The following DHRSX variants were observed in gnomAD, a reference collection of about 807,000 sequenced individuals.
DHRSX encodes polyprenol dehydrogenase.
A neutral mutation model predicts 34.0 loss-of-function variants in DHRSX; 31 were observed. That is an observed-to-expected ratio of 0.91 (90% confidence interval 0.69 to 1.23). The LOEUF is 1.23. DHRSX is among the 50% of genes most tolerant of loss of function. The pLI is 0.00. For synonymous variants in DHRSX, 201 were observed against 183.8 expected (o/e 1.09, Z -0.76); for missense variants, 414 against 428.1 (o/e 0.97, Z 0.29).
chrX:2,260,775 G>A (rs2124453903), intron 5 of DHRSX, among the ~76,000 whole-genome samples: 1 of 152,108 alleles, frequency 6.6e-6, no homozygotes, highest in East Asian at 1.9e-4. Flanking sequence ...TCTACTTCTT[G>A]TAAGGCCACC....
At chrX:2,429,320 G>A (rs2043888281) in intron 1 of DHRSX, among the ~76,000 whole-genome samples, 1 of 152,110 alleles carries the variant, frequency 6.6e-6, no homozygotes. Context: ...GTGTCTGTGT[G>A]TGGGTGTGTC....
intron 3 of DHRSX, among the ~76,000 whole-genome samples, chrX:2,314,366 G>C (rs868671832): frequency 8.3e-5 from 1 of 12,046 alleles, no homozygotes; most frequent in East Asian, 1.1e-3. Flanking sequence ...GGAAAGAAGG[G>C]AGAGAGGGAA....
chrX:2,371,560 C>CCCTCCTTCCATTACCATAGTA (rs1191223994), intron 3 of DHRSX, among the ~76,000 whole-genome samples: 21,426 of 124,866 alleles, frequency 0.17, 1,821 homozygotes, highest in Admixed American at 0.23. Context: ...TTACCATAGT[C>CCCTCCTTCCATTACCATAGTA]CCTCCTTCCA....
chrX:2,352,207 T>C (rs1208365327), intron 3 of DHRSX, among the ~76,000 whole-genome samples: 1 of 152,002 alleles, frequency 6.6e-6, no homozygotes, highest in Non-Finnish European at 1.5e-5. Flanking sequence ...AACTATGATA[T>C]AATCCTGCAG....
At position 2,408,067 on chromosome X, in the gene DHRSX, G is replaced by GA. The variant is rs765262802; in HGVS notation, c.286+677dup. ...CCAGAATTTGGTCTAGCACCTGGTCGAAAATCTTAAGGGCAAGCATATTCC... is the reference window on the plus strand; with the variant it reads ...CCAGAATTTGGTCTAGCACCTGGTCGAAAAATCTTAAGGGCAAGCATATTCC... On this transcript the variant is annotated intron_variant, in intron 3 of 6. Transcript: ENST00000334651. Among the ~76,000 whole-genome samples, 7 of 152,128 alleles carry GA rather than the reference G, an allele frequency of 4.6e-5. 1 individual carries two copies.
chrX:2,369,288 G>C (rs994649877), intron 3 of DHRSX, among the ~76,000 whole-genome samples: 16 of 152,172 alleles, frequency 1.1e-4, no homozygotes, highest in Non-Finnish European at 1.9e-4. Context: ...GAGACAGCAG[G>C]TACTGTGATT....
At position 2,403,347 on chromosome X, in the gene DHRSX, C is replaced by G. The variant is rs188441256; in HGVS notation, c.286+5398G>C. Among the ~76,000 whole-genome samples the G allele has an allele frequency of 1.1e-4, 16 of 152,292 alleles. No homozygotes were observed. The East Asian group carries it at 3.1e-3, about 29-fold the overall frequency. On this transcript the variant is annotated intron_variant, in intron 3 of 6. Coordinates refer to ENST00000334651, the MANE Select transcript of DHRSX (RefSeq NM_145177.3). ...CCCACCCTCTTACAAGATGGTAAAG[C>G]TTTTAAACAGCCACAGAAAGTGCAA...
intron 1 of DHRSX, among the ~76,000 whole-genome samples, chrX:2,479,128 C>A (rs189925864): frequency 6.6e-6 from 1 of 151,580 alleles, no homozygotes; most frequent in African/African-American, 2.4e-5. Context: ...TGAAGATGTT[C>A]GCTAACAATG....
At position 2,249,100 on chromosome X, in the gene DHRSX, A is replaced by T. The variant is rs190890564; in HGVS notation, c.597-5870T>A. 1.8e-3 allele frequency among the ~76,000 whole-genome samples: 276 copies of T among 152,234 alleles called. 5 individuals carry two copies. The highest frequency in any genetic ancestry group is 2.4e-3 in the Admixed American group (36 of 15,264). On this transcript the variant is annotated intron_variant, in intron 5 of 6. Coordinates refer to ENST00000334651, the MANE Select transcript of DHRSX (RefSeq NM_145177.3). Reference sequence around the variant, plus strand: ...GTGAAGAACATGGGGAAAACTGGCCAGACAACCAAAGGAAGGGCGTGCACA... The same window carrying T: ...GTGAAGAACATGGGGAAAACTGGCCTGACAACCAAAGGAAGGGCGTGCACA...
At chrX:2,482,594 T>C (rs2044791066) in intron 1 of DHRSX, among the ~76,000 whole-genome samples, 1 of 152,214 alleles carries the variant, frequency 6.6e-6, no homozygotes, top group Non-Finnish European at 1.5e-5. Context: ...TGAAACTTTA[T>C]TATTCTTTGC....
At chrX:2,237,460 G>T (rs1358750879) in intron 6 of DHRSX, among the ~76,000 whole-genome samples, 2 of 151,914 alleles carry the variant, frequency 1.3e-5, no homozygotes, top group East Asian at 3.9e-4. Context: ...CTGGACATGA[G>T]CCCTGAATGG....
intron 1 of DHRSX, among the ~76,000 whole-genome samples, chrX:2,430,056 A>G (rs2043898098): frequency 6.6e-6 from 1 of 152,088 alleles, no homozygotes. Context: ...AGACTTGGTC[A>G]TCGAGAGTGT....
At chrX:2,303,999 TGATGGATG>T (rs1035321183) in intron 3 of DHRSX, among the ~76,000 whole-genome samples, 7 of 68,748 alleles carry the variant, frequency 1.0e-4, no homozygotes, top group Non-Finnish European at 2.0e-4. Flanking sequence ...ATGGATGAAT[TGATGGATG>T]GACGGATGGA....
intron 2 of DHRSX, among the ~76,000 whole-genome samples, chrX:2,422,164 A>G (rs1260765774): frequency 6.6e-6 from 1 of 152,230 alleles, no homozygotes; most frequent in African/African-American, 2.4e-5. Context: ...AGCCCTAAGC[A>G]TTGTTTATGA....
intron 3 of DHRSX, among the ~76,000 whole-genome samples, chrX:2,389,781 A>AT (rs776665218): frequency 1.3e-3 from 193 of 149,330 alleles, no homozygotes; most frequent in Middle Eastern, 3.4e-3. Context: ...TACTTATTTT[A>AT]TTTTTTTTTT....
At chrX:2,443,776 G>A (rs1473450498) in intron 1 of DHRSX, among the ~76,000 whole-genome samples, 1 of 152,166 alleles carries the variant, frequency 6.6e-6, no homozygotes, top group Non-Finnish European at 1.5e-5. Context: ...GGAGGCCGAG[G>A]CGGGCAGATC....
intron 1 of DHRSX, among the ~76,000 whole-genome samples, chrX:2,469,376 C>G (rs1160879299): frequency 6.6e-6 from 1 of 150,954 alleles, no homozygotes; most frequent in East Asian, 2.0e-4. Context: ...AAGGGACCGC[C>G]GCCATGTATA....
intron 4 of DHRSX, among the ~76,000 whole-genome samples, chrX:2,283,005 G>A (rs1382095177): frequency 1.3e-5 from 2 of 151,466 alleles, no homozygotes; most frequent in African/African-American, 4.9e-5. Flanking sequence ...TGAAGAGGTG[G>A]AAAGAGAGAA....
At chrX:2,435,538 ACAATCACTTGAGG>A (rs2043981415) in intron 1 of DHRSX, among the ~76,000 whole-genome samples, 1 of 151,996 alleles carries the variant, frequency 6.6e-6, no homozygotes, top group Admixed American at 6.6e-5. Flanking sequence ...TCAGGGTGAG[ACAATCACTTGAGG>A]CCAGGAGTTT....
Sources: allele counts gnomAD v4.1 joint callset (sites outside exome capture counted in the v4.1 genomes callset), GRCh38; gene constraint gnomAD v4.1.1; transcripts MANE v1.5; gene names NCBI Gene and HGNC (gene_info 2026-07-23, HGNC 2026-07-21).